SEC14L6: variants seen among roughly 807,000 people sequenced by gnomAD.
The protein encoded by SEC14L6 is SEC14-like protein 6.
In SEC14L6, 40 loss-of-function variants were observed where a neutral mutation model predicts 54.1. The observed-to-expected ratio is 0.74, with a 90% confidence interval of 0.57 to 0.96. The LOEUF is 0.96. Among genes scored for constraint, SEC14L6 ranks in the 40% least tolerant of loss-of-function variants. The probability of loss-of-function intolerance (pLI) is 0.00; values close to 1 mark genes in which losing one functional copy is unlikely to be tolerated. For synonymous variants in SEC14L6, 171 were observed against 198.4 expected (o/e 0.86, Z 1.16); for missense variants, 471 against 498.3 (o/e 0.95, Z 0.52).
In SEC14L6 at chr22:30,534,057, G is replaced by A; in HGVS notation, c.131-18C>T. ...GCTCCGAGCTGCAACAAGAGACAGG[G>A]TTATGGTTGTGGAATTCTAGAGGCT... is the stretch of plus-strand genomic sequence containing the variant. On this transcript the variant is annotated intron_variant, in intron 2 of 11. Coordinates refer to ENST00000402034, the MANE Select transcript of SEC14L6 (RefSeq NM_001193336.4). The A allele has an allele frequency of 1.9e-6, 3 of 1,550,730 alleles. No individual in the cohort carries two copies. Among genetic ancestry groups the A allele is most frequent in the East Asian group, 2.4e-5 (1 of 40,924 alleles).
chr22:30,534,144 G>C (rs758445455), intron 2 of SEC14L6, 105 bp from the exon 3 acceptor site: 10 of 1,067,978 alleles, frequency 9.4e-6, no homozygotes, highest in Non-Finnish European at 1.4e-5. Context: ...TTTGTCTCCT[G>C]TTACCCAGAG....
rs1314630167 is a variant in SEC14L6 at position 30,529,072 on chromosome 22, A to G, written c.664+15T>C. The G allele has an allele frequency of 1.9e-6, 3 of 1,545,298 alleles. No homozygotes were observed. Among genetic ancestry groups the G allele is most frequent in the Admixed American group, 2.0e-5 (1 of 50,954 alleles). ...GGATCCAGGCTGGAAAAGAGGCCGC[A>G]GAGGGCTCACTCACCTCCGAGAATC... On this transcript the variant is annotated intron_variant, in intron 8 of 11. Coordinates refer to ENST00000402034, the MANE Select transcript of SEC14L6 (RefSeq NM_001193336.4).
At chr22:30,529,772 G>A (rs1173386941) in intron 6 of SEC14L6, among the ~76,000 whole-genome samples, 1 of 152,076 alleles carries the variant, frequency 6.6e-6, no homozygotes, top group Non-Finnish European at 1.5e-5. Context: ...GATGAGTGGG[G>A]GGATAACTCT....
At chr22:30,538,791 C>T (rs1209145957) in intron 2 of SEC14L6, 36 bp downstream of exon 2, 2 of 1,424,096 alleles carry the variant, frequency 1.4e-6, no homozygotes, top group Admixed American at 2.0e-5. Context: ...TCTTTCATGC[C>T]ATTGACCCTA....
intron 2 of SEC14L6, among the ~76,000 whole-genome samples, chr22:30,536,615 A>G (rs1261403126): frequency 6.6e-6 from 1 of 152,254 alleles, no homozygotes; most frequent in African/African-American, 2.4e-5. Flanking sequence ...GACCTTGGTC[A>G]AGTGGTTTAA....
chr22:30,538,551 G>C (rs1454474338), intron 2 of SEC14L6, among the ~76,000 whole-genome samples: 2 of 152,058 alleles, frequency 1.3e-5, no homozygotes, highest in Non-Finnish European at 2.9e-5. Flanking sequence ...AACTATGTTT[G>C]ACACCTTGGA....
At chr22:30,546,572 T>C (rs2146309994) in intron 1 of SEC14L6, 57 bp downstream of exon 1, 1 of 1,488,242 alleles carries the variant, frequency 6.7e-7, no homozygotes, top group Non-Finnish European at 9.2e-7. Context: ...AGTCCTGCCC[T>C]TCCCCGTGGC....
At chr22:30,535,867 C>T (rs147940862) in intron 2 of SEC14L6, among the ~76,000 whole-genome samples, 38 of 150,744 alleles carry the variant, frequency 2.5e-4, no homozygotes, top group African/African-American at 8.1e-4. Flanking sequence ...GGCAACACCA[C>T]GCCTGGCTAA....
chr22:30,529,464 C>A, intron 6 of SEC14L6, 115 bp from the exon 7 acceptor site: 1 of 818,830 alleles, frequency 1.2e-6, no homozygotes. Context: ...GCCAACCATC[C>A]AAGGCTTTGA....
intron 6 of SEC14L6, among the ~76,000 whole-genome samples, chr22:30,530,354 G>A (rs1936928740): frequency 6.6e-6 from 1 of 152,104 alleles, no homozygotes; most frequent in South Asian, 2.1e-4. Context: ...AGGCTGCAGT[G>A]AGCCACTGCA....
chr22:30,542,390 C>G, intron 1 of SEC14L6: 1 of 411,818 alleles, frequency 2.4e-6, no homozygotes, highest in East Asian at 4.0e-5. Context: ...GGCCGGAGTC[C>G]GGAGGCGAGG....
chr22:30,532,219 G>A (rs1388862288), intron 5 of SEC14L6: 1 of 985,332 alleles, frequency 1.0e-6, no homozygotes, highest in Non-Finnish European at 1.2e-6. Context: ...TCGCTGTGTT[G>A]CAGTTCCCTC....
intron 1 of SEC14L6, among the ~76,000 whole-genome samples, chr22:30,540,069 G>A (rs1408102575): frequency 6.6e-6 from 1 of 152,200 alleles, no homozygotes; most frequent in Non-Finnish European, 1.5e-5. Flanking sequence ...GCCCCAGATG[G>A]ATCCTCAAAA....
At position 30,525,403 on chromosome 22, in the gene SEC14L6, T is replaced by C. The variant is rs1936733693; in HGVS notation, c.1028A>G (p.Asn343Ser). The change falls in exon 11 of 12, where the codon AAT (asparagine) becomes AGT (serine). Residue 343 changes from asparagine to serine, a missense_variant. Asn to Ser is a conservative substitution (Grantham distance 46). Coordinates refer to ENST00000402034, the MANE Select transcript of SEC14L6 (RefSeq NM_001193336.4). ...MTEVLPSQRY[N>S]AHMVPEDGIL... ...CCCATCTTCAGGCACCATGTGGGCATTGTAGCGCTGGCTGGGCAGCACCTC... is the reference window on the plus strand; with the variant it reads ...CCCATCTTCAGGCACCATGTGGGCACTGTAGCGCTGGCTGGGCAGCACCTC... 1 of 1,614,178 alleles carries C rather than the reference T, an allele frequency of 6.2e-7. No homozygotes were observed. The highest frequency in any genetic ancestry group is 8.5e-7 in the Non-Finnish European group (1 of 1,180,016).
intron 1 of SEC14L6, chr22:30,543,200 G>A (rs926653044): frequency 6.2e-7 from 1 of 1,603,702 alleles, no homozygotes; most frequent in Non-Finnish European, 8.5e-7. Context: ...AGCATCCACA[G>A]CACAGCCAAT....
chr22:30,531,491 A>G (rs111798676), intron 6 of SEC14L6, among the ~76,000 whole-genome samples: 2,702 of 152,016 alleles, frequency 0.018, 78 homozygotes, highest in African/African-American at 0.061. Context: ...TTGGGAGGCC[A>G]AGGCGGGCAG....
chr22:30,539,377 C>CA (rs965202152), intron 1 of SEC14L6, among the ~76,000 whole-genome samples: 21 of 150,318 alleles, frequency 1.4e-4, no homozygotes, highest in South Asian at 1.1e-3. Flanking sequence ...GACTTTGTCT[C>CA]AAAAAAAAAG....
intron 2 of SEC14L6, 103 bp from the exon 3 acceptor site, chr22:30,534,142 C>T (rs904679289): frequency 2.7e-6 from 3 of 1,110,308 alleles, no homozygotes; most frequent in African/African-American, 3.1e-5. Flanking sequence ...GCTTTGTCTC[C>T]TGTTACCCAG....
intron 1 of SEC14L6, among the ~76,000 whole-genome samples, chr22:30,539,621 T>C (rs965145261): frequency 7.2e-5 from 11 of 152,342 alleles, no homozygotes; most frequent in African/African-American, 2.4e-4. Flanking sequence ...GCAGAGCCAG[T>C]TGCCTGATTC....
Sources: allele counts gnomAD v4.1 joint callset (sites outside exome capture counted in the v4.1 genomes callset), GRCh38; gene constraint gnomAD v4.1.1; transcripts MANE v1.5; gene names NCBI Gene and HGNC (gene_info 2026-07-23, HGNC 2026-07-21).